PTPRB: variants seen among roughly 807,000 people sequenced by gnomAD.
The protein encoded by PTPRB is receptor-type tyrosine-protein phosphatase beta.
A neutral mutation model predicts 238.1 loss-of-function variants in PTPRB; 97 were observed. The ratio of observed to expected loss-of-function variants is 0.41; its 90% CI spans 0.35 to 0.48. The LOEUF is 0.48. Among genes scored for constraint, PTPRB ranks in the 20% least tolerant of loss-of-function variants. The pLI is 0.30. For missense variants in PTPRB, 2,292 were observed against 2,681.9 expected, an observed-to-expected ratio of 0.85 and a Z score of 3.21; for synonymous variants, 970 against 995.4, an observed-to-expected ratio of 0.97 and a Z score of 0.48.
intron 21 of PTPRB, 35 bp from the exon 22 acceptor site, chr12:70,544,698 A>AGTT (rs766871832): frequency 2.1e-6 from 3 of 1,428,754 alleles, no homozygotes; most frequent in East Asian, 4.8e-5. Context: ...AATATAAATT[A>AGTT]GTTGTTGAAC....
At chr12:70,609,869 C>T in intron 3 of PTPRB, 1 of 1,533,958 alleles carries the variant, frequency 6.5e-7, no homozygotes, top group Non-Finnish European at 8.8e-7. Context: ...GTGGGACGGC[C>T]CGAGGGCCGG....
chr12:70,553,106 C>T, intron 20 of PTPRB, 86 bp from the exon 21 acceptor site: 5 of 1,444,278 alleles, frequency 3.5e-6, no homozygotes, highest in Non-Finnish European at 4.7e-6. Flanking sequence ...CTAAGGCTGC[C>T]TCCACATCCA....
At chr12:70,581,426 T>C (rs1242385511) in intron 9 of PTPRB, 124 bp from the exon 10 acceptor site, 3 of 1,024,970 alleles carry the variant, frequency 2.9e-6, no homozygotes, top group African/African-American at 1.6e-5. Flanking sequence ...GTTGTTGCTA[T>C]AGACTCTCAG....
At chr12:70,564,873 TA>T (rs1879066888) in intron 15 of PTPRB, among the ~76,000 whole-genome samples, 1 of 119,438 alleles carries the variant, frequency 8.4e-6, no homozygotes, top group Non-Finnish European at 1.7e-5. Context: ...ATAATAATAA[TA>T]ATAATAATAA....
chr12:70,534,752 G>A, intron 30 of PTPRB, 81 bp downstream of exon 30: 1 of 1,599,892 alleles, frequency 6.3e-7, no homozygotes, highest in Non-Finnish European at 8.5e-7. Flanking sequence ...GAAACTACAA[G>A]AGAGGAACCA....
In PTPRB at chr12:70,564,843, AAATAATAATAATAAT is replaced by A. The variant is rs138995596; in HGVS notation, c.3904+1577_3904+1591del. On this transcript the variant is annotated intron_variant, in intron 15 of 33. Transcript: ENST00000334414. ...GCGAGGTTCTGTCTCCAAAAATAAT[AAATAATAATAATAAT>A]AATAATAATAATAATAATAATAATA... 2.1e-3 allele frequency among the ~76,000 whole-genome samples: 204 copies of A among 96,512 alleles called. 2 individuals are homozygous for A. Among genetic ancestry groups the A allele is most frequent in the African/African-American group, 4.8e-3 (127 of 26,350 alleles). 63.3% of individuals were successfully genotyped at this position (96,512 alleles called of 152,430 possible). A position where few individuals can be genotyped will look rare whatever the true frequency, so the allele number is the denominator to read the frequency against.
At chr12:70,601,790 C>CTTTTTTTTTTTTTTT (rs200227553) in intron 4 of PTPRB, among the ~76,000 whole-genome samples, 84 of 127,516 alleles carry the variant, frequency 6.6e-4, no homozygotes, top group African/African-American at 7.8e-4. Context: ...TTTCTTTTTT[C>CTTTTTTTTTTTTTTT]TTTTTTTTTT....
chr12:70,631,187 G>A lies in PTPRB; in HGVS notation c.451+4484C>T, dbSNP rs566604140. On this transcript the variant is annotated intron_variant, in intron 2 of 33. Transcript: ENST00000334414. Reference sequence around the variant, plus strand: ...TACCTGACTTCAAACCATACTACAAGGCTACAGTAACCAAAACAGCATGGT... The same window carrying A: ...TACCTGACTTCAAACCATACTACAAAGCTACAGTAACCAAAACAGCATGGT... Among the ~76,000 whole-genome samples, 93 of 152,228 alleles carry A rather than the reference G, an allele frequency of 6.1e-4. 1 individual carries two copies. Among genetic ancestry groups the A allele is most frequent in the African/African-American group, 2.0e-3 (84 of 41,532 alleles).
intron 8 of PTPRB, among the ~76,000 whole-genome samples, 169 bp from the exon 9 acceptor site, chr12:70,587,436 G>A (rs557221396): frequency 6.6e-6 from 1 of 152,290 alleles, no homozygotes; most frequent in South Asian, 2.1e-4. Flanking sequence ...CTTTGTTCAT[G>A]TAATGTAACC....
In PTPRB at chr12:70,544,653, G is replaced by A. The variant is rs745519352; in HGVS notation, c.5398C>T (p.Arg1800Ter). 5 of 1,573,410 alleles carry A rather than the reference G, an allele frequency of 3.2e-6. No individual in the cohort carries two copies. The highest frequency in any genetic ancestry group is 8.6e-7 in the Non-Finnish European group (1 of 1,165,370). Residue 1800 changes from arginine to a stop codon, truncating the protein, a stop_gained, in exon 22 of 34, where the codon CGA becomes TGA. Coordinates refer to ENST00000334414, the MANE Select transcript of PTPRB (RefSeq NM_001109754.4). LOFTEE classifies it high-confidence loss of function. ...TCATCAAAGAGCTGTGTAAAAGCTC[G>A]AATGCTGATTCTGAAAAGAAAACCG... is the stretch of plus-strand genomic sequence containing the variant. ...KPHTAYRISI[R>*]AFTQLFDEDL...
rs1285053389 is a variant in PTPRB at position 70,536,016 on chromosome 12, T to C, written c.6081+9A>G. On this transcript the variant is annotated intron_variant, in intron 29 of 33. Transcript: ENST00000334414. ...CAAAGCTTTGATGCCAGGAAGGCTG[T>C]TTACTCACTCGGCCCTTCTCAACAC... is the stretch of plus-strand genomic sequence containing the variant. The C allele has an allele frequency of 1.4e-5, 22 of 1,611,876 alleles. No individual in the cohort carries two copies. Among genetic ancestry groups the C allele is most frequent in the Non-Finnish European group, 1.7e-5 (20 of 1,179,098 alleles).
At chr12:70,550,487 G>A (rs1876717107) in intron 21 of PTPRB, among the ~76,000 whole-genome samples, 1 of 152,140 alleles carries the variant, frequency 6.6e-6, no homozygotes, top group African/African-American at 2.4e-5. Flanking sequence ...TAATTTAGAA[G>A]GGACATGACT....
rs112323601 is a variant in PTPRB at position 70,596,148 on chromosome 12, T to C, written c.1159A>G (p.Thr387Ala). ...CTACCAGCAGTGAGATTGAAAAAAG[T>C]GTATTCATTCCATGAAGTACTTTCT... is the stretch of plus-strand genomic sequence containing the variant. ...IQESTSWNEY[T>A]FFNLTAGSKY... The change falls in exon 5 of 34, where the codon ACT becomes GCT. Residue 387 changes from threonine to alanine, a missense_variant. Around this residue, in one of 4 missense-constraint regions of PTPRB, gnomAD observed 1,205 missense variants for 1,287.8 expected, o/e 0.94. Transcript: ENST00000334414. 5.0e-6 allele frequency: 8 copies of C among 1,613,620 alleles called. No individual in the cohort carries two copies. Among genetic ancestry groups the C allele is most frequent in the Non-Finnish European group, 6.8e-6 (8 of 1,179,684 alleles).
Position 70,560,999 on chromosome 12 carries a change from G to A in PTPRB, c.4169-65C>T. 3 of 1,489,788 alleles carry A rather than the reference G, an allele frequency of 2.0e-6. No homozygotes were observed. Among genetic ancestry groups the A allele is most frequent in the Non-Finnish European group, 2.8e-6 (3 of 1,074,980 alleles). 92.3% of individuals were successfully genotyped at this position (1,489,788 alleles called of 1,614,324 possible). ...AACACAGGCATTTTGGCCCACAGGT[G>A]AGAGTATATGCTATGTTGGGCATGT... On this transcript the variant is annotated intron_variant, in intron 16 of 33. Transcript: ENST00000334414. The surrounding 1 kb of genome is among the most constrained non-coding windows in gnomAD (Gnocchi z 4.2).
intron 33 of PTPRB, among the ~76,000 whole-genome samples, chr12:70,523,207 T>G (rs1871873195): frequency 6.6e-6 from 1 of 151,904 alleles, no homozygotes; most frequent in African/African-American, 2.4e-5. Flanking sequence ...CCAGGTGGAG[T>G]GCAGTGGCAC....
chr12:70,624,744 C>T (rs370469887), intron 2 of PTPRB, among the ~76,000 whole-genome samples: 15 of 152,152 alleles, frequency 9.9e-5, no homozygotes, highest in African/African-American at 2.9e-4. Context: ...AAAATTTAAC[C>T]GTGGGGTTAG....
rs746782718 is a variant in PTPRB at position 70,576,455 on chromosome 12, G to A, written c.2769C>T (p.Gly923=). ...RECSFSSLTP[G]RLYTVTITTR... is the part of the protein sequence containing the mutation. ...TAGTTATGGTCACGGTGTAGAGGCGGCCTGGGGTGAGGGAGCTGAAGGAAC... is the reference window on the plus strand; with the variant it reads ...TAGTTATGGTCACGGTGTAGAGGCGACCTGGGGTGAGGGAGCTGAAGGAAC... The change falls in exon 11 of 34, where the codon GGC becomes GGT. Residue 923 remains glycine, a synonymous_variant. Coordinates refer to ENST00000334414, the MANE Select transcript of PTPRB (RefSeq NM_001109754.4). 3 of 1,603,464 alleles carry A rather than the reference G, an allele frequency of 1.9e-6. No homozygotes were observed. In the Admixed American group the frequency reaches 5.1e-5, roughly 27 times the overall value.
rs1435526879 is a variant in PTPRB at position 70,519,167 on chromosome 12, C to T, written c.*2322G>A. ...ACCTACGATTTTTCCCTGTCATGTC[C>T]ATTTACATAATTCTGATACTACCCT... On this transcript the variant is annotated 3_prime_UTR_variant, in exon 34 of 34. Coordinates refer to ENST00000334414, the MANE Select transcript of PTPRB (RefSeq NM_001109754.4). 3.3e-5 allele frequency: 5 copies of T among 152,044 alleles called. No individual in the cohort carries two copies. Among genetic ancestry groups the T allele is most frequent in the African/African-American group, 9.7e-5 (4 of 41,384 alleles). The allele number at this position is 152,044 out of a possible 1,614,324, so 9.4% of individuals were successfully genotyped here. A position where few individuals can be genotyped will look rare whatever the true frequency, so the allele number is the denominator to read the frequency against.
At chr12:70,536,940 T>C (rs1409634466) in intron 28 of PTPRB, among the ~76,000 whole-genome samples, 1 of 152,204 alleles carries the variant, frequency 6.6e-6, no homozygotes, top group Non-Finnish European at 1.5e-5. Context: ...CTCTCGCTAC[T>C]GAGTGCCGTT....
Sources: gnomAD v4.1 joint callset for allele counts (sites outside exome capture counted in the v4.1 genomes callset) on GRCh38, gnomAD v4.1.1 for gene constraint, gnomAD v4.1.1 regional missense constraint, Gnocchi (gnomAD v3.1) non-coding constraint, MANE v1.5 for transcripts, NCBI Gene and HGNC (gene_info 2026-07-23, HGNC 2026-07-21) for gene names.